SMC3: variants seen among roughly 807,000 people sequenced by gnomAD.
SMC3 encodes the protein structural maintenance of chromosomes 3.
A neutral mutation model predicts 171.8 loss-of-function variants in SMC3; 20 were observed. The ratio of observed to expected loss-of-function variants is 0.12; its 90% CI spans 0.08 to 0.17. SMC3 has a LOEUF of 0.17. Among genes scored for constraint, SMC3 ranks in the 10% least tolerant of loss-of-function variants. SMC3 has a pLI of 1.00. For missense variants in SMC3, 543 were observed against 1,420.4 expected (o/e 0.38, Z 9.93); for synonymous variants, 464 against 451.1 (o/e 1.03, Z -0.36).
At chr10:110,582,932 T>TTTG (rs71888572) in intron 10 of SMC3, among the ~76,000 whole-genome samples, 1,038 of 80,444 alleles carry the variant, frequency 0.013, 15 homozygotes, top group African/African-American at 0.064. Flanking sequence ...CCTCCTGAAG[T>TTTG]TTTTTTTTTT....
At chr10:110,582,498 G>T in intron 9 of SMC3, 64 bp from the exon 10 acceptor site, 1 of 1,124,688 alleles carries the variant, frequency 8.9e-7, no homozygotes, top group Non-Finnish European at 1.3e-6. Context: ...ATTTTTATTA[G>T]ATGTTATGAA....
chr10:110,569,252 G>A (rs1021011654), intron 2 of SMC3, among the ~76,000 whole-genome samples: 4 of 152,188 alleles, frequency 2.6e-5, no homozygotes, highest in African/African-American at 4.8e-5. Flanking sequence ...CCTTGTATGT[G>A]TGTGTAAGAG....
intron 17 of SMC3, among the ~76,000 whole-genome samples, chr10:110,591,927 A>AAGGAGT (rs1861211020): frequency 6.6e-6 from 1 of 152,194 alleles, no homozygotes; most frequent in Non-Finnish European, 1.5e-5. Context: ...ACGAGACACA[A>AAGGAGT]AGGAGTACAT....
chr10:110,594,336 ATTAT>A (rs1373319877), intron 18 of SMC3, among the ~76,000 whole-genome samples: 13 of 151,990 alleles, frequency 8.6e-5, no homozygotes, highest in African/African-American at 1.7e-4. Flanking sequence ...ATATTATATA[ATTAT>A]TTAATGTATT....
In SMC3 at chr10:110,602,488, C is replaced by T. The variant is rs753315856; in HGVS notation, c.3120C>T (p.Phe1040=). 6.2e-7 allele frequency: 1 copy of T among 1,612,666 alleles called. No homozygotes were observed. The highest frequency in any genetic ancestry group is 1.1e-5 in the South Asian group (1 of 91,012). Residue 1040 remains phenylalanine (F), a synonymous_variant, in exon 26 of 29, where the codon TTC becomes TTT. Coordinates refer to ENST00000361804, the MANE Select transcript of SMC3 (RefSeq NM_005445.4). The stretch of plus-strand genomic sequence containing the variant: ...TTTGTTTTAAGGTATCTAAGAACTT[C>T]AGTGAAGTATTCCAGAAGTTAGTAC... The part of the protein sequence containing the change: ...QLTFKQVSKN[F]SEVFQKLVPG...
Position 110,568,823 on chromosome 10 carries a change from T to C in SMC3, c.16-115T>C. On this transcript the variant is annotated intron_variant, in intron 1 of 28. Transcript: ENST00000361804. Reference sequence around the variant, plus strand: ...CACTTTCCAAAATGAATTTTTCTTATATGAAATTTCGAGTTTTCTATATTG... The same window carrying C: ...CACTTTCCAAAATGAATTTTTCTTACATGAAATTTCGAGTTTTCTATATTG... The C allele has an allele frequency of 1.0e-5, 7 of 673,290 alleles. No individual in the cohort carries two copies. The South Asian group carries it at 1.2e-4, about 11-fold the overall frequency. The allele number at this position is 673,290 out of a possible 1,614,324, so 41.7% of individuals were successfully genotyped here.
At chr10:110,585,068 A>G (rs1325003339) in intron 13 of SMC3, among the ~76,000 whole-genome samples, 1 of 151,930 alleles carries the variant, frequency 6.6e-6, no homozygotes, top group Non-Finnish European at 1.5e-5. Context: ...GCTAGAGTGC[A>G]ATGGCGCAAT....
At chr10:110,602,377 T>G (rs769375445) in intron 25 of SMC3, 97 bp from the exon 26 acceptor site, 80 of 1,114,092 alleles carry the variant, frequency 7.2e-5, no homozygotes, top group Non-Finnish European at 1.0e-4. Context: ...TCCTTGTTCT[T>G]AAGATTAAAA....
Position 110,577,731 on chromosome 10 carries a change from A to C in SMC3, c.271-104A>C. 3 of 811,058 alleles carry C rather than the reference A, an allele frequency of 3.7e-6. No homozygotes were observed. In the South Asian group the frequency reaches 4.8e-5, roughly 13 times the overall value. The allele number at this position is 811,058 out of a possible 1,614,324, so 50.2% of individuals were successfully genotyped here. A position where few individuals can be genotyped will look rare whatever the true frequency, so the allele number is the denominator to read the frequency against. On this transcript the variant is annotated intron_variant, in intron 5 of 28. Transcript: ENST00000361804. ...TATTATTTTTAGTGAGATAATTGAA[A>C]TTTTAAAATAAATACTTATGGGCAA...
intron 4 of SMC3, among the ~76,000 whole-genome samples, chr10:110,576,094 A>G (rs956960123): frequency 3.3e-5 from 5 of 152,218 alleles, no homozygotes; most frequent in African/African-American, 9.6e-5. Context: ...TGAAAATACC[A>G]TAAGTCAAAA....
In SMC3 at chr10:110,581,870, A is replaced by G. The variant is rs1347176312; in HGVS notation, c.548-53A>G. Reference sequence around the variant, plus strand: ...ATTCAAGGTATATTTAAGAAGTGATATTACATAAAAATCTTATTCAATTCT... The same window carrying G: ...ATTCAAGGTATATTTAAGAAGTGATGTTACATAAAAATCTTATTCAATTCT... On this transcript the variant is annotated intron_variant, in intron 8 of 28. Transcript: ENST00000361804. 5 of 1,380,782 alleles carry G rather than the reference A, an allele frequency of 3.6e-6. No homozygotes were observed. The Admixed American group carries it at 6.7e-5, about 19-fold the overall frequency. 85.5% of individuals were successfully genotyped at this position (1,380,782 alleles called of 1,614,324 possible).
At position 110,584,382 on chromosome 10, in the gene SMC3, C is replaced by T; in HGVS notation, c.1291C>T (p.Leu431=). The change falls in exon 13 of 29, where the codon CTG becomes TTG. Residue 431 remains leucine, a synonymous_variant. Coordinates refer to ENST00000361804, the MANE Select transcript of SMC3 (RefSeq NM_005445.4). ...EDTEANKEKN[L]EQYNKLDQDL... ...CACTGAAGCAAATAAAGAGAAAAAT[C>T]TGGAGCAGTATAATGTAAGAACTTC... 1 of 1,611,518 alleles carries T rather than the reference C, an allele frequency of 6.2e-7. No homozygotes were observed. Among genetic ancestry groups the T allele is most frequent in the African/African-American group, 1.3e-5 (1 of 74,944 alleles).
intron 3 of SMC3, 129 bp from the exon 4 acceptor site, chr10:110,575,207 A>T: frequency 1.4e-6 from 1 of 713,342 alleles, no homozygotes; most frequent in Non-Finnish European, 2.5e-6. Context: ...CCTTTTGTCC[A>T]TATGAAACAG....
chr10:110,589,839 A>T, intron 14 of SMC3, 53 bp from the exon 15 acceptor site: 1 of 1,539,450 alleles, frequency 6.5e-7, no homozygotes, highest in Non-Finnish European at 9.0e-7. Context: ...TATACTGTTA[A>T]TGCATCCTCA....
Position 110,593,094 on chromosome 10 carries a change from AAACTGAGGTAC to A in SMC3, c.1837_1847del (p.Leu613SerfsTer4). ...TTAGGATGCTATTCCTATGATCAGC[AAACTGAGGTAC>A]AATCCCAGATTTGACAAAGCTTTCA... On this transcript the variant is annotated frameshift_variant, in exon 18 of 29. Transcript: ENST00000361804. LOFTEE classifies it high-confidence loss of function. 6.2e-7 allele frequency: 1 copy of A among 1,614,090 alleles called. No homozygotes were observed. The highest frequency in any genetic ancestry group is 8.5e-7 in the Non-Finnish European group (1 of 1,179,932).
intron 19 of SMC3, among the ~76,000 whole-genome samples, chr10:110,597,143 CA>C (rs11347729): frequency 0.8 from 108,482 of 135,178 alleles, 43,405 homozygotes; most frequent in Non-Finnish European, 0.86. Context: ...GACCCTGTCT[CA>C]AAAAAAAAAA....
intron 2 of SMC3, among the ~76,000 whole-genome samples, chr10:110,572,070 A>C (rs1299820144): frequency 6.6e-6 from 1 of 152,226 alleles, no homozygotes; most frequent in Non-Finnish European, 1.5e-5. Context: ...TCAAATTTAC[A>C]GAAAAATTTC....
chr10:110,590,896 A>G (rs1861195238), intron 16 of SMC3, 95 bp from the exon 17 acceptor site: 8 of 1,108,614 alleles, frequency 7.2e-6, no homozygotes, highest in South Asian at 1.3e-5. Context: ...AGTCCCAGCT[A>G]TGCAGGAGGC....
At chr10:110,586,807 G>A (rs1186824964) in intron 13 of SMC3, among the ~76,000 whole-genome samples, 1 of 152,096 alleles carries the variant, frequency 6.6e-6, no homozygotes, top group Non-Finnish European at 1.5e-5. Context: ...ACAGGCGCCC[G>A]CCACTGCTCC....
Sources: gnomAD v4.1 joint callset for allele counts (sites outside exome capture counted in the v4.1 genomes callset) on GRCh38, gnomAD v4.1.1 for gene constraint, MANE v1.5 for transcripts, NCBI Gene and HGNC (gene_info 2026-07-23, HGNC 2026-07-21) for gene names.